The following NEK4 variants were observed in gnomAD, a reference collection of about 807,000 sequenced individuals.
NEK4 encodes the protein NIMA related kinase 4.
NEK4 carries 86 observed loss-of-function variants against 98.4 expected under a neutral mutation model. That is an observed-to-expected ratio of 0.87 (90% CI 0.73 to 1.05). The LOEUF is 1.05. NEK4 is among the 50% of genes least tolerant of loss of function. The pLI is 0.00. For missense variants in NEK4, 898 were observed against 950.3 expected, an observed-to-expected ratio of 0.94 and a Z score of 0.72; for synonymous variants, 328 against 342.2, an observed-to-expected ratio of 0.96 and a Z score of 0.46.
chr3:52,763,619 TG>T lies in NEK4; in HGVS notation c.671del (p.Pro224HisfsTer14). 6.3e-7 allele frequency: 1 copy of T among 1,582,804 alleles called. No individual in the cohort carries two copies. Among genetic ancestry groups the T allele is most frequent in the Non-Finnish European group, 8.6e-7 (1 of 1,165,278 alleles). On this transcript the variant is annotated frameshift_variant, in exon 5 of 16. Transcript: ENST00000233027. LOFTEE classifies it high-confidence loss of function. Reference protein sequence around the residue: ...LVYRIIEGKLPPMPRDYSPEL... With the variant: ...LVYRIIEGKLXPMPRDYSPEL... ...CTGGGCTGTAATCTCTTGGCATTGGTGGCAGCTACAAATAAAAATAATATTG... is the reference window on the plus strand; with the variant it reads ...CTGGGCTGTAATCTCTTGGCATTGGTGCAGCTACAAATAAAAATAATATTG...
At chr3:52,727,804 A>AAGAAGAAAT (rs1160818054) in intron 15 of NEK4, among the ~76,000 whole-genome samples, 1 of 152,256 alleles carries the variant, frequency 6.6e-6, no homozygotes, top group Non-Finnish European at 1.5e-5. Flanking sequence ...CAATGGATCA[A>AAGAAGAAAT]AGAAGAAATC....
At chr3:52,763,654 A>T in intron 4 of NEK4, 30 bp from the exon 5 acceptor site, 1 of 1,518,014 alleles carries the variant, frequency 6.6e-7, no homozygotes, top group Non-Finnish European at 9.0e-7. Flanking sequence ...TGTAATTATG[A>T]CTAATGGTCT....
At chr3:52,742,078 A>G (rs958846223) in intron 12 of NEK4, among the ~76,000 whole-genome samples, 1 of 152,086 alleles carries the variant, frequency 6.6e-6, no homozygotes, top group Non-Finnish European at 1.5e-5. Context: ...GCGCCTGCCC[A>G]AGGTGAAGTT....
Position 52,752,135 on chromosome 3 carries a change from T to A in NEK4, c.1165A>T (p.Arg389Ter). The change falls in exon 7 of 16, where the codon AGA becomes TGA. Residue 389 changes from arginine to a stop codon, truncating the protein, a stop_gained. Transcript: ENST00000233027. LOFTEE classifies it high-confidence loss of function. ...AACTCATTAGAGGCATCCAAATATC[T>A]TGGCTGATTCTCCTGAACAAAGCCA... ...SDGFVQENQP[R>*]YLDASNELGG... is the part of the protein sequence containing the mutation. The A allele has an allele frequency of 6.2e-7, 1 of 1,614,208 alleles. No homozygotes were observed. Among genetic ancestry groups the A allele is most frequent in the Non-Finnish European group, 8.5e-7 (1 of 1,180,044 alleles).
intron 1 of NEK4, among the ~76,000 whole-genome samples, chr3:52,769,608 T>C (rs1698704918): frequency 6.6e-6 from 1 of 152,322 alleles, no homozygotes; most frequent in East Asian, 1.9e-4. Context: ...AAATTTCTTA[T>C]GCATGAGCTT....
At chr3:52,720,018 C>T (rs1374217400) in intron 15 of NEK4, among the ~76,000 whole-genome samples, 2 of 152,158 alleles carry the variant, frequency 1.3e-5, no homozygotes, top group Non-Finnish European at 2.9e-5. Flanking sequence ...CTTGGTGGCT[C>T]ACACCTGTAA....
At position 52,708,841 on chromosome 3, in the gene NEK4, G is replaced by A. The variant is rs971859913; in HGVS notation, c.*2936C>T. On this transcript the variant is annotated 3_prime_UTR_variant, in exon 16 of 16. Coordinates refer to ENST00000233027, the MANE Select transcript of NEK4 (RefSeq NM_003157.6). The stretch of plus-strand genomic sequence containing the variant: ...AAGGACATAAAACTTCCTTAGCTTT[G>A]TAAGTCTGTGGAAATCAAAACTTCT... The A allele has an allele frequency of 1.3e-5, 2 of 152,088 alleles. No homozygotes were observed. The highest frequency in any genetic ancestry group is 2.4e-5 in the African/African-American group (1 of 41,394). 9.4% of individuals were successfully genotyped at this position (152,088 alleles called of 1,614,324 possible). A position where few individuals can be genotyped will look rare whatever the true frequency, so the allele number is the denominator to read the frequency against.
chr3:52,765,199 A>G (rs960865005), intron 4 of NEK4, among the ~76,000 whole-genome samples: 3 of 151,940 alleles, frequency 2.0e-5, no homozygotes, highest in Admixed American at 6.6e-5. Context: ...AAAAATACAA[A>G]AATTAGCTGG....
intron 3 of NEK4, 90 bp downstream of exon 3, chr3:52,766,088 T>A: frequency 1.4e-6 from 2 of 1,450,728 alleles, no homozygotes; most frequent in South Asian, 2.4e-5. Flanking sequence ...TTAAACCAAT[T>A]CATAGATAAT....
intron 5 of NEK4, among the ~76,000 whole-genome samples, chr3:52,761,501 G>A (rs1207559995): frequency 2.6e-5 from 4 of 152,084 alleles, no homozygotes; most frequent in African/African-American, 9.7e-5. Flanking sequence ...GGCCAGGCTG[G>A]TCTTAAACTC....
intron 6 of NEK4, among the ~76,000 whole-genome samples, chr3:52,753,191 C>G (rs923084165): frequency 2.0e-5 from 3 of 151,868 alleles, no homozygotes; most frequent in African/African-American, 7.3e-5. Flanking sequence ...GTAGTCCCAG[C>G]TACTTGGAAG....
At chr3:52,767,058 C>T (rs1219125882) in intron 2 of NEK4, among the ~76,000 whole-genome samples, 1 of 151,706 alleles carries the variant, frequency 6.6e-6, no homozygotes, top group Non-Finnish European at 1.5e-5. Flanking sequence ...CCGAGGTGAG[C>T]GGATCACTTG....
intron 6 of NEK4, among the ~76,000 whole-genome samples, chr3:52,756,777 G>C (rs1213428606): frequency 6.6e-6 from 1 of 152,096 alleles, no homozygotes; most frequent in Non-Finnish European, 1.5e-5. Context: ...TAAAAATTTT[G>C]TGCATCAAAA....
chr3:52,712,294 G>A (rs1371740298), intron 15 of NEK4, among the ~76,000 whole-genome samples: 1 of 152,154 alleles, frequency 6.6e-6, no homozygotes, highest in African/African-American at 2.4e-5. Context: ...AAGTTCCCTT[G>A]TCCCCCTCGC....
At chr3:52,716,481 C>G (rs1301589971) in intron 15 of NEK4, among the ~76,000 whole-genome samples, 4 of 152,206 alleles carry the variant, frequency 2.6e-5, no homozygotes, top group African/African-American at 9.6e-5. Flanking sequence ...CTGAAGTAAC[C>G]TGATGTTAAC....
intron 7 of NEK4, among the ~76,000 whole-genome samples, chr3:52,750,431 C>T (rs887279910): frequency 6.6e-6 from 1 of 151,906 alleles, no homozygotes; most frequent in African/African-American, 2.4e-5. Flanking sequence ...ACTTGCAATC[C>T]CAGGTACTTG....
In NEK4 at chr3:52,760,776, C is replaced by T. The variant is rs978308145; in HGVS notation, c.963+19G>A. The T allele has an allele frequency of 1.3e-6, 2 of 1,580,740 alleles. No individual in the cohort carries two copies. The highest frequency in any genetic ancestry group is 1.7e-6 in the Non-Finnish European group (2 of 1,160,804). On this transcript the variant is annotated intron_variant, in intron 6 of 15. Transcript: ENST00000233027. Reference sequence around the variant, plus strand: ...TAAGTGCAGTTTCTAAAACACATACCCTTTAAAAAGAAACGTACCATTATA... The same window carrying T: ...TAAGTGCAGTTTCTAAAACACATACTCTTTAAAAAGAAACGTACCATTATA...
chr3:52,754,318 T>C (rs2097410893), intron 6 of NEK4: 1 of 360,400 alleles, frequency 2.8e-6, no homozygotes, highest in Non-Finnish European at 5.6e-6. Context: ...ATTTGGAAAA[T>C]GGAGGTGGAA....
At chr3:52,764,712 G>A (rs1698485241) in intron 4 of NEK4, among the ~76,000 whole-genome samples, 1 of 151,958 alleles carries the variant, frequency 6.6e-6, no homozygotes, top group South Asian at 2.1e-4. Flanking sequence ...TATGTACCAT[G>A]TGAACAGCCT....
Sources: allele counts gnomAD v4.1 joint callset (sites outside exome capture counted in the v4.1 genomes callset), GRCh38; gene constraint gnomAD v4.1.1; transcripts MANE v1.5; gene names NCBI Gene and HGNC (gene_info 2026-07-23, HGNC 2026-07-21).